The following USP38 variants were observed in gnomAD, a reference collection of about 807,000 sequenced individuals.
USP38 encodes the protein ubiquitin carboxyl-terminal hydrolase 38.
Under a neutral mutation model 94.3 loss-of-function variants are expected in USP38, and 49 were observed. The observed-to-expected ratio is 0.52, with a 90% CI of 0.41 to 0.66. USP38 has a LOEUF of 0.66. USP38 is among the 30% of genes least tolerant of loss of function. The pLI, the probability that USP38 is intolerant of heterozygous loss-of-function variation, is 0.00. For missense variants in USP38, 1,128 were observed against 1,229.4 expected (o/e 0.92, Z 1.23); for synonymous variants, 468 against 463.6 (o/e 1.01, Z -0.12).
At chr4:143,217,124 A>T (rs1015531232) in intron 9 of USP38, among the ~76,000 whole-genome samples, 1 of 152,098 alleles carries the variant, frequency 6.6e-6, no homozygotes, top group Non-Finnish European at 1.5e-5. Context: ...TTTACTTTTA[A>T]ATACAGTGAT....
At chr4:143,204,451 A>G (rs1731805104) in intron 5 of USP38, 1 of 448,326 alleles carries the variant, frequency 2.2e-6, no homozygotes, top group Non-Finnish European at 4.5e-6. Flanking sequence ...GTGCAATGGC[A>G]TGATCACGGC....
intron 2 of USP38, among the ~76,000 whole-genome samples, chr4:143,192,089 A>G (rs1731411631): frequency 6.6e-6 from 1 of 152,242 alleles, no homozygotes; most frequent in South Asian, 2.1e-4. Context: ...GTAATTGTTG[A>G]CAAATTTCCT....
At chr4:143,195,616 T>G (rs1731521040) in intron 2 of USP38, 100 bp from the exon 3 acceptor site, 1 of 1,245,208 alleles carries the variant, frequency 8.0e-7, no homozygotes, top group Non-Finnish European at 1.1e-6. Flanking sequence ...TCAGTAAATG[T>G]TTATTCACAA....
intron 1 of USP38, among the ~76,000 whole-genome samples, 174 bp from the exon 2 acceptor site, chr4:143,187,652 C>T (rs189083818): frequency 3.3e-5 from 5 of 152,096 alleles, no homozygotes; most frequent in African/African-American, 1.2e-4. Context: ...ATCTTTCATT[C>T]CTGTAATTTA....
Position 143,195,789 on chromosome 4 carries a change from G to A in USP38, c.892G>A (p.Ala298Thr). The change falls in exon 3 of 10, where the codon GCA becomes ACA. Residue 298 changes from alanine to threonine, a missense_variant. Transcript: ENST00000307017. Reference protein sequence around the residue: ...TWVIALLKGLAAVQKFTILID... With the variant: ...TWVIALLKGLTAVQKFTILID... ...GGTAATTGCACTCCTGAAAGGACTG[G>A]CAGCTGTCCAGAAGTTTACTATTTT... The A allele has an allele frequency of 6.2e-7, 1 of 1,613,696 alleles. No individual in the cohort carries two copies. The highest frequency in any genetic ancestry group is 1.3e-5 in the African/African-American group (1 of 75,040).
chr4:143,199,375 C>T (rs1394064768), intron 4 of USP38, among the ~76,000 whole-genome samples: 1 of 152,082 alleles, frequency 6.6e-6, no homozygotes, highest in East Asian at 1.9e-4. Context: ...TTTCTTTATC[C>T]AATCTGTCAC....
At chr4:143,195,151 A>G (rs973008740) in intron 2 of USP38, among the ~76,000 whole-genome samples, 3 of 152,192 alleles carry the variant, frequency 2.0e-5, no homozygotes, top group African/African-American at 7.2e-5. Context: ...GATCATATTC[A>G]TATGTCTTAG....
rs763966393 is a variant in USP38 at position 143,214,547 on chromosome 4, T to C, written c.2571T>C (p.His857=). Reference sequence around the variant, plus strand: ...CTGGTATATCCTCTGAAAGTGGGCATTACTATTCTTATGCCAGGAATATCA... The same window carrying C: ...CTGGTATATCCTCTGAAAGTGGGCACTACTATTCTTATGCCAGGAATATCA... ...VHSGISSESG[H]YYSYARNITS... is the part of the protein sequence containing the mutation. Residue 857 remains histidine (H), a synonymous_variant, in exon 9 of 10, where the codon CAT becomes CAC. Transcript: ENST00000307017. 2 of 1,613,614 alleles carry C rather than the reference T, an allele frequency of 1.2e-6. No individual in the cohort carries two copies. Among genetic ancestry groups the C allele is most frequent in the South Asian group, 2.2e-5 (2 of 91,064 alleles).
intron 8 of USP38, among the ~76,000 whole-genome samples, 184 bp from the exon 9 acceptor site, chr4:143,213,397 A>T (rs1203602897): frequency 6.6e-6 from 1 of 152,156 alleles, no homozygotes; most frequent in East Asian, 1.9e-4. Flanking sequence ...GAGTAGTAAT[A>T]GCCACCCAGC....
chr4:143,197,259 T>C (rs752639718), intron 3 of USP38, among the ~76,000 whole-genome samples: 24 of 152,318 alleles, frequency 1.6e-4, no homozygotes, highest in Non-Finnish European at 3.1e-4. Context: ...AGTTTTACAG[T>C]TGGATATCAC....
chr4:143,214,830 A>G lies in USP38; in HGVS notation c.2854A>G (p.Thr952Ala). The change falls in exon 9 of 10, where the codon ACT becomes GCT. Residue 952 changes from threonine to alanine, a missense_variant. Transcript: ENST00000307017. Reference protein sequence around the residue: ...YVLLYKKQHSTNGLSGNNPTS... With the variant: ...YVLLYKKQHSANGLSGNNPTS... ...GCTTTTGTATAAAAAACAGCATAGT[A>G]CTAATGGTTTAAGTGGTAATAACCC... is the stretch of plus-strand genomic sequence containing the variant. The G allele has an allele frequency of 6.2e-7, 1 of 1,613,712 alleles. No individual in the cohort carries two copies. The highest frequency in any genetic ancestry group is 8.5e-7 in the Non-Finnish European group (1 of 1,179,776).
chr4:143,202,049 C>T (rs1200813641), intron 4 of USP38, among the ~76,000 whole-genome samples: 2 of 152,106 alleles, frequency 1.3e-5, no homozygotes, highest in Non-Finnish European at 2.9e-5. Flanking sequence ...AAATTTTTGC[C>T]TCTTCTGTCT....
Position 143,214,013 on chromosome 4 carries a change from C to G in USP38, c.2037C>G (p.Gly679=). 1 of 1,613,622 alleles carries G rather than the reference C, an allele frequency of 6.2e-7. No individual in the cohort carries two copies. Among genetic ancestry groups the G allele is most frequent in the Non-Finnish European group, 8.5e-7 (1 of 1,179,836 alleles). The change falls in exon 9 of 10, where the codon GGC becomes GGG. Residue 679 remains glycine, a synonymous_variant. Coordinates refer to ENST00000307017, the MANE Select transcript of USP38 (RefSeq NM_032557.6). ...CDSLVNEKTI[G]SPPNEFYCSE... The stretch of plus-strand genomic sequence containing the variant: ...CACTTGTGAATGAAAAAACCATAGG[C>G]AGTCCTCCTAATGAGTTTTACTGTT...
chr4:143,199,144 C>T (rs578042580), intron 4 of USP38, among the ~76,000 whole-genome samples: 2 of 152,116 alleles, frequency 1.3e-5, no homozygotes, highest in African/African-American at 4.8e-5. Context: ...CCCACTCTCC[C>T]CGCTCAAGTA....
At chr4:143,209,762 A>G in intron 7 of USP38, 105 bp downstream of exon 7, 1 of 651,318 alleles carries the variant, frequency 1.5e-6, no homozygotes, top group Non-Finnish European at 2.5e-6. Flanking sequence ...AATATAATAG[A>G]TATCTCACCC....
intron 3 of USP38, among the ~76,000 whole-genome samples, chr4:143,197,249 A>C (rs919219333): frequency 1.3e-5 from 2 of 152,202 alleles, no homozygotes; most frequent in South Asian, 4.1e-4. Context: ...CAATTCCTTC[A>C]GTTTTACAGT....
Position 143,214,144 on chromosome 4 carries a change from A to G in USP38, c.2168A>G (p.Asn723Ser). 6.2e-7 allele frequency: 1 copy of G among 1,612,758 alleles called. No homozygotes were observed. Among genetic ancestry groups the G allele is most frequent in the Middle Eastern group, 1.7e-4 (1 of 6,052 alleles). ...ACACCTTCAGTAACTGACTTACTAA[A>G]TTATTTTTTGGCTCCAGAGATTCTT... ...ETTPSVTDLL[N>S]YFLAPEILTG... The change falls in exon 9 of 10, where the codon AAT (asparagine) becomes AGT (serine). Residue 723 changes from asparagine (N) to serine (S), a missense_variant. Coordinates refer to ENST00000307017, the MANE Select transcript of USP38 (RefSeq NM_032557.6).
rs1206340797 is a variant in USP38 at position 143,185,597 on chromosome 4, C to T, written c.147C>T (p.Ile49=). The change falls in exon 1 of 10, where the codon ATC becomes ATT. Residue 49 remains isoleucine (I), a synonymous_variant. Coordinates refer to ENST00000307017, the MANE Select transcript of USP38 (RefSeq NM_032557.6). ...TGTTTGACCTGACGACCCGGCTCAT[C>T]CTGGAGGGCCAGGACCCTTTCCAGC... ...EAMFDLTTRL[I]LEGQDPFQRQ... The T allele has an allele frequency of 6.2e-7, 1 of 1,614,058 alleles. No homozygotes were observed. The highest frequency in any genetic ancestry group is 8.5e-7 in the Non-Finnish European group (1 of 1,180,038).
chr4:143,197,736 A>G, intron 3 of USP38, 87 bp from the exon 4 acceptor site: 1 of 889,722 alleles, frequency 1.1e-6, no homozygotes, highest in Non-Finnish European at 1.8e-6. Context: ...ATTCATATAA[A>G]TAAATTCTAG....
Sources: gnomAD v4.1 joint callset for allele counts (sites outside exome capture counted in the v4.1 genomes callset) on GRCh38, gnomAD v4.1.1 for gene constraint, MANE v1.5 for transcripts, NCBI Gene and HGNC (gene_info 2026-07-23, HGNC 2026-07-21) for gene names.